SGCZ: variants seen among roughly 807,000 people sequenced by gnomAD.
SGCZ encodes zeta-sarcoglycan.
In SGCZ, 40 loss-of-function variants were observed where a neutral mutation model predicts 41.3. The observed-to-expected ratio is 0.97, with a 90% CI of 0.75 to 1.26. SGCZ has a LOEUF of 1.26. Among genes scored for constraint, SGCZ ranks in the 50% most tolerant of loss-of-function variants. SGCZ has a pLI of 0.00. For synonymous variants in SGCZ, 206 were observed against 137.5 expected (o/e 1.50, Z -3.49); for missense variants, 552 against 369.8 (o/e 1.49, Z -4.04).
rs563090226 is a variant in SGCZ, at chr8:14,642,773, A to G, written c.40-87847T>C. ...AGTTATAAAGAAATAAATAATATAT[A>G]TATCTAAGCAAAGTAATACAAAATG... On this transcript the variant is annotated intron_variant, in intron 1 of 7. Coordinates refer to ENST00000382080, the MANE Select transcript of SGCZ (RefSeq NM_139167.4). 2.0e-5 allele frequency among the ~76,000 whole-genome samples: 3 copies of G among 151,720 alleles called. No homozygotes were observed. In the South Asian group the frequency reaches 6.2e-4, roughly 31 times the overall value.
At chr8:14,517,561 C>G (rs900555602) in intron 2 of SGCZ, among the ~76,000 whole-genome samples, 3 of 151,906 alleles carry the variant, frequency 2.0e-5, no homozygotes, top group African/African-American at 7.2e-5. Flanking sequence ...CTTTAGTTTT[C>G]TTATATGCCA....
chr8:14,272,235 C>G (rs1049452429), intron 3 of SGCZ, among the ~76,000 whole-genome samples: 1 of 152,156 alleles, frequency 6.6e-6, no homozygotes, highest in Non-Finnish European at 1.5e-5. Context: ...AACTCCTGAC[C>G]CCAAGGAATC....
chr8:14,528,094 CT>C (rs1803009558), intron 2 of SGCZ, among the ~76,000 whole-genome samples: 4 of 151,804 alleles, frequency 2.6e-5, no homozygotes, highest in Admixed American at 2.6e-4. Flanking sequence ...AAATGTAGAC[CT>C]TACTTGTACA....
intron 1 of SGCZ, among the ~76,000 whole-genome samples, chr8:14,643,488 G>A (rs1807093652): frequency 6.6e-6 from 1 of 151,318 alleles, no homozygotes; most frequent in Non-Finnish European, 1.5e-5. Context: ...CATAAATTAT[G>A]TGGAATGAGC....
intron 1 of SGCZ, among the ~76,000 whole-genome samples, chr8:14,766,656 G>C (rs1056130985): frequency 4.0e-5 from 6 of 151,410 alleles, no homozygotes; most frequent in Non-Finnish European, 5.9e-5. Flanking sequence ...CCACCTCCCA[G>C]GCTCAAGCGA....
chr8:14,261,280 T>C (rs1338395998), intron 3 of SGCZ, among the ~76,000 whole-genome samples: 1 of 152,154 alleles, frequency 6.6e-6, no homozygotes, highest in East Asian at 1.9e-4. Context: ...TAATTTTTAA[T>C]TGTGATTTAA....
At chr8:14,593,064 G>T (rs1454703847) in intron 1 of SGCZ, among the ~76,000 whole-genome samples, 1 of 152,026 alleles carries the variant, frequency 6.6e-6, no homozygotes, top group African/African-American at 2.4e-5. Flanking sequence ...GCCCTGGTGT[G>T]GTCAGGTGAA....
chr8:14,270,464 C>A (rs920687351), intron 3 of SGCZ, among the ~76,000 whole-genome samples: 1 of 152,124 alleles, frequency 6.6e-6, no homozygotes, highest in Non-Finnish European at 1.5e-5. Flanking sequence ...TGAACCGATA[C>A]GGCTTCAGTT....
At chr8:14,154,495 T>C (rs929182173) in intron 5 of SGCZ, among the ~76,000 whole-genome samples, 1 of 152,336 alleles carries the variant, frequency 6.6e-6, no homozygotes, top group Non-Finnish European at 1.5e-5. Flanking sequence ...AGTAATTCTT[T>C]TGTATTCTGA....
At chr8:15,071,738 G>T (rs1163367860) in intron 1 of SGCZ, among the ~76,000 whole-genome samples, 2 of 152,078 alleles carry the variant, frequency 1.3e-5, no homozygotes, top group Non-Finnish European at 2.9e-5. Flanking sequence ...TAACCTTCTG[G>T]GAGTAGCATA....
At chr8:15,146,078 AAAG>A (rs1799027981) in intron 1 of SGCZ, among the ~76,000 whole-genome samples, 2 of 152,176 alleles carry the variant, frequency 1.3e-5, no homozygotes, top group South Asian at 4.1e-4. Flanking sequence ...AGGGGCTAAA[AAAG>A]AAGAAATGAT....
intron 2 of SGCZ, among the ~76,000 whole-genome samples, chr8:14,482,727 G>C (rs377404370): frequency 6.6e-6 from 1 of 151,976 alleles, no homozygotes; most frequent in South Asian, 2.1e-4. Flanking sequence ...AACCTGCTGA[G>C]GGCCCGAATA....
chr8:14,111,158 C>G (rs1802359924), intron 5 of SGCZ, among the ~76,000 whole-genome samples: 1 of 151,966 alleles, frequency 6.6e-6, no homozygotes, highest in African/African-American at 2.4e-5. Context: ...TGAGATTTAG[C>G]AATTAATAAT....
rs61080299 is a variant in SGCZ at position 15,015,687 on chromosome 8, C to CAA, written c.39+221896_39+221897dup. Among the ~76,000 whole-genome samples, 942 of 121,616 alleles carry CAA rather than the reference C, an allele frequency of 7.7e-3. 96 individuals are homozygous for CAA. The highest frequency in any genetic ancestry group is 0.045 in the Admixed American group (480 of 10,724). The allele number at this position is 121,616 out of a possible 152,430, so 79.8% of individuals were successfully genotyped here. ...TAGGCAACAGAGAGAGACTCCATCTCAAAAAAAAAAAAAAAAGAAAAGAAA... is the reference window on the plus strand; with the variant it reads ...TAGGCAACAGAGAGAGACTCCATCTCAAAAAAAAAAAAAAAAAAGAAAAGAAA... On this transcript the variant is annotated intron_variant, in intron 1 of 7. Transcript: ENST00000382080.
intron 2 of SGCZ, among the ~76,000 whole-genome samples, chr8:14,403,563 T>C (rs1188223025): frequency 1.3e-5 from 2 of 152,186 alleles, no homozygotes; most frequent in Non-Finnish European, 2.9e-5. Flanking sequence ...GTTTTTGTCT[T>C]TGGCTCTGTT....
chr8:14,448,333 C>T (rs986112117), intron 2 of SGCZ, among the ~76,000 whole-genome samples: 1 of 152,154 alleles, frequency 6.6e-6, no homozygotes, highest in African/African-American at 2.4e-5. Flanking sequence ...ATCAAGAGAT[C>T]AATTTAACTA....
intron 2 of SGCZ, among the ~76,000 whole-genome samples, chr8:14,520,485 C>A (rs536114192): frequency 1.3e-5 from 2 of 152,230 alleles, no homozygotes; most frequent in Admixed American, 1.3e-4. Context: ...ATACTGCTGG[C>A]TTTAGGACCC....
At chr8:14,264,783 A>G (rs948745341) in intron 3 of SGCZ, among the ~76,000 whole-genome samples, 4 of 152,210 alleles carry the variant, frequency 2.6e-5, no homozygotes, top group Middle Eastern at 6.8e-3. Context: ...AACACGGTGA[A>G]ACCCCGTCTC....
intron 2 of SGCZ, among the ~76,000 whole-genome samples, chr8:14,416,941 G>A (rs545243744): frequency 3.9e-5 from 6 of 151,910 alleles, no homozygotes; most frequent in South Asian, 2.1e-4. Context: ...GACAGTTTTC[G>A]TGTTACCAGA....
Sources: gnomAD v4.1 joint callset for allele counts (sites outside exome capture counted in the v4.1 genomes callset) on GRCh38, gnomAD v4.1.1 for gene constraint, MANE v1.5 for transcripts, NCBI Gene and HGNC (gene_info 2026-07-23, HGNC 2026-07-21) for gene names.